The following MAP3K21 variants were observed in gnomAD, a reference collection of about 807,000 sequenced individuals.
MAP3K21 encodes the protein mitogen-activated protein kinase kinase kinase MLK4.
A neutral mutation model predicts 86.1 loss-of-function variants in MAP3K21; 63 were observed. The ratio of observed to expected loss-of-function variants is 0.73; its 90% CI spans 0.60 to 0.90. MAP3K21 has a LOEUF of 0.90. Ranked by LOEUF, MAP3K21 falls within the 40% of genes least tolerant of loss-of-function variation. The pLI, the probability that MAP3K21 is intolerant of heterozygous loss-of-function variation, is 0.00. For missense variants in MAP3K21, 1,220 were observed against 1,367.7 expected (o/e 0.89, Z 1.70); for synonymous variants, 558 against 564.8 (o/e 0.99, Z 0.17).
At chr1:233,340,505 T>A (rs762188778) in intron 1 of MAP3K21, among the ~76,000 whole-genome samples, 1 of 151,922 alleles carries the variant, frequency 6.6e-6, no homozygotes, top group African/African-American at 2.4e-5. Context: ...TAGAATGAGA[T>A]TGAGAAGGGA....
At chr1:233,359,236 T>C (rs1190437485) in intron 4 of MAP3K21, among the ~76,000 whole-genome samples, 2 of 152,236 alleles carry the variant, frequency 1.3e-5, no homozygotes, top group Non-Finnish European at 2.9e-5. Flanking sequence ...GGATGTCAGC[T>C]CTTTCTCTAC....
rs1477652544 is a variant in MAP3K21 at position 233,336,438 on chromosome 1, G to A, written c.805+7605G>A. Among the ~76,000 whole-genome samples the A allele has an allele frequency of 3.3e-5, 5 of 152,062 alleles. No homozygotes were observed. In the East Asian group the frequency reaches 9.6e-4, roughly 29 times the overall value. ...TGCCTGTAATCTCAGCTACTTGGGA[G>A]GCTGAGGCAGGAGAATTGCTTGAAT... On this transcript the variant is annotated intron_variant, in intron 1 of 9. Coordinates refer to ENST00000366624, the MANE Select transcript of MAP3K21 (RefSeq NM_032435.3).
At chr1:233,348,868 T>C (rs1475807858) in intron 2 of MAP3K21, among the ~76,000 whole-genome samples, 1 of 152,188 alleles carries the variant, frequency 6.6e-6, no homozygotes, top group African/African-American at 2.4e-5. Context: ...GGCTCTCAGA[T>C]TCATGCTCCA....
At chr1:233,347,402 A>G (rs1001461707) in intron 2 of MAP3K21, among the ~76,000 whole-genome samples, 3 of 152,180 alleles carry the variant, frequency 2.0e-5, no homozygotes, top group Non-Finnish European at 4.4e-5. Context: ...GTCTCATTAG[A>G]AGGATGCTAA....
At chr1:233,375,792 C>G in intron 6 of MAP3K21, 124 bp from the exon 7 acceptor site, 2 of 671,720 alleles carry the variant, frequency 3.0e-6, no homozygotes, top group Non-Finnish European at 4.9e-6. Flanking sequence ...ATAATTTTCT[C>G]ATTGTTTTCA....
intron 5 of MAP3K21, among the ~76,000 whole-genome samples, chr1:233,367,764 G>A (rs908881274): frequency 5.3e-5 from 8 of 151,636 alleles, no homozygotes; most frequent in Non-Finnish European, 1.2e-4. Context: ...GGAGGCTGAA[G>A]CAGGAGAACT....
intron 4 of MAP3K21, among the ~76,000 whole-genome samples, chr1:233,359,248 T>C (rs1391213495): frequency 1.3e-5 from 2 of 152,234 alleles, no homozygotes; most frequent in African/African-American, 4.8e-5. Flanking sequence ...TTTCTCTACT[T>C]TGCGATTTGT....
chr1:233,351,962 C>T (rs904817268), intron 2 of MAP3K21, among the ~76,000 whole-genome samples: 2 of 152,136 alleles, frequency 1.3e-5, no homozygotes, highest in African/African-American at 2.4e-5. Flanking sequence ...AATCACAGCG[C>T]ACTGCAGCCT....
At chr1:233,374,721 G>A (rs1294183287) in intron 6 of MAP3K21, among the ~76,000 whole-genome samples, 1 of 141,388 alleles carries the variant, frequency 7.1e-6, no homozygotes, top group South Asian at 2.4e-4. Context: ...GTATATACAG[G>A]CATCTATAAA....
intron 4 of MAP3K21, among the ~76,000 whole-genome samples, chr1:233,357,733 A>G (rs1443960105): frequency 6.6e-6 from 1 of 152,166 alleles, no homozygotes; most frequent in East Asian, 1.9e-4. Flanking sequence ...GGGGGTGGGG[A>G]CTGCTGGGGC....
intron 7 of MAP3K21, 60 bp downstream of exon 7, chr1:233,376,126 A>T (rs1477270248): frequency 1.4e-6 from 2 of 1,398,780 alleles, no homozygotes; most frequent in East Asian, 4.7e-5. Context: ...TTCCTGTGTT[A>T]ATATCACATC....
intron 5 of MAP3K21, among the ~76,000 whole-genome samples, chr1:233,363,303 A>G (rs1663500942): frequency 6.6e-6 from 1 of 152,226 alleles, no homozygotes; most frequent in Non-Finnish European, 1.5e-5. Context: ...TCGAGTGTGT[A>G]TAAATTGCCT....
At chr1:233,364,100 TG>T (rs956859707) in intron 5 of MAP3K21, among the ~76,000 whole-genome samples, 10 of 152,106 alleles carry the variant, frequency 6.6e-5, no homozygotes, top group African/African-American at 2.4e-4. Context: ...TTATTTGGTT[TG>T]ATGGGGTGAG....
At chr1:233,338,509 A>G (rs909259713) in intron 1 of MAP3K21, among the ~76,000 whole-genome samples, 1 of 152,220 alleles carries the variant, frequency 6.6e-6, no homozygotes, top group African/African-American at 2.4e-5. Context: ...GAGGATGGAA[A>G]TGTTGAAGTG....
Position 233,379,099 on chromosome 1 carries a change from CCA to C in MAP3K21, c.2096_2097del (p.Thr699SerfsTer4). The C allele has an allele frequency of 6.2e-7, 1 of 1,614,180 alleles. No homozygotes were observed. The highest frequency in any genetic ancestry group is 1.1e-5 in the South Asian group (1 of 91,082). ...GAGGAGGCAGCCTCTGCGAATGCTG[CCA>C]CAGTCTCCATTGAGATGACTCCTAC... On this transcript the variant is annotated frameshift_variant, in exon 9 of 10. Coordinates refer to ENST00000366624, the MANE Select transcript of MAP3K21 (RefSeq NM_032435.3). LOFTEE classifies it high-confidence loss of function.
At chr1:233,355,090 G>A in intron 4 of MAP3K21, 79 bp downstream of exon 4, 1 of 1,029,578 alleles carries the variant, frequency 9.7e-7, no homozygotes. Context: ...AGCACTGTTA[G>A]CATTATTCAA....
chr1:233,328,329 C>A lies in MAP3K21; in HGVS notation c.301C>A (p.Arg101Ser), dbSNP rs1044791348. The A allele has an allele frequency of 3.4e-6, 5 of 1,472,430 alleles. No homozygotes were observed. In the African/African-American group the frequency reaches 4.4e-5, roughly 13 times the overall value. The allele number at this position is 1,472,430 out of a possible 1,614,324, so 91.2% of individuals were successfully genotyped here. A position where few individuals can be genotyped will look rare whatever the true frequency, so the allele number is the denominator to read the frequency against. Reference protein sequence around the residue: ...IFPANYVAPCRPAASPAPPPS... With the variant: ...IFPANYVAPCSPAASPAPPPS... The stretch of plus-strand genomic sequence containing the variant: ...CCCCGCCAACTACGTGGCTCCCTGC[C>A]GCCCGGCCGCCAGCCCCGCGCCGCC... Residue 101 changes from arginine (R) to serine (S), a missense_variant, in exon 1 of 10, where the codon CGC (arginine) becomes AGC (serine). By Grantham distance (110) the Arg-to-Ser change is moderately radical. Coordinates refer to ENST00000366624, the MANE Select transcript of MAP3K21 (RefSeq NM_032435.3). This position sits in a 1 kb window ranked among gnomAD's most constrained non-coding sequence, Gnocchi z 8.7.
intron 2 of MAP3K21, among the ~76,000 whole-genome samples, chr1:233,348,350 A>G (rs566697112): frequency 6.6e-6 from 1 of 152,338 alleles, no homozygotes; most frequent in East Asian, 1.9e-4. Context: ...ATCATAGAGT[A>G]TTACTGTACC....
At chr1:233,373,350 C>G (rs1034974649) in intron 6 of MAP3K21, 2 of 152,296 alleles carry the variant, frequency 1.3e-5, no homozygotes, top group African/African-American at 4.8e-5. Flanking sequence ...TGTGTCTTCA[C>G]CTTCTGCTCT....
Sources: allele counts gnomAD v4.1 joint callset (sites outside exome capture counted in the v4.1 genomes callset), GRCh38; gene constraint gnomAD v4.1.1; non-coding constraint Gnocchi (gnomAD v3.1); transcripts MANE v1.5; gene names NCBI Gene and HGNC (gene_info 2026-07-23, HGNC 2026-07-21).